The following XXYLT1 variants were observed in gnomAD, a reference collection of about 807,000 sequenced individuals.
XXYLT1 encodes xyloside xylosyltransferase 1, also known as UDP-xylose:alpha-xyloside alpha-1,3-xylosyltransferase.
In XXYLT1, 20 loss-of-function variants were observed where a neutral mutation model predicts 28.9. That is an observed-to-expected ratio of 0.69 (90% confidence interval 0.49 to 1.00). XXYLT1 has a LOEUF of 1.00. Ranked by LOEUF, XXYLT1 falls within the 50% of genes least tolerant of loss-of-function variation. The probability of loss-of-function intolerance (pLI) is 0.00; values close to 1 mark genes in which losing one functional copy is unlikely to be tolerated. For missense variants in XXYLT1, 542 were observed against 560.1 expected, an observed-to-expected ratio of 0.97 and a Z score of 0.33; for synonymous variants, 257 against 253.8, an observed-to-expected ratio of 1.01 and a Z score of -0.12.
Position 195,179,863 on chromosome 3 carries a change from G to A in XXYLT1, c.653-23282C>T, listed in dbSNP as rs558775374. Among the ~76,000 whole-genome samples, 60 of 152,326 alleles carry A rather than the reference G, an allele frequency of 3.9e-4. 1 individual carries two copies. The South Asian group carries it at 0.011, about 29-fold the overall frequency. Reference sequence around the variant, plus strand: ...AAGGATTTCCTAAGTGTGGTGTTGAGCCAGGAAACCTGCCCTGCGTCGCCC... The same window carrying A: ...AAGGATTTCCTAAGTGTGGTGTTGAACCAGGAAACCTGCCCTGCGTCGCCC... On this transcript the variant is annotated intron_variant, in intron 2 of 3. Coordinates refer to ENST00000310380, the MANE Select transcript of XXYLT1 (RefSeq NM_152531.5).
chr3:195,176,350 A>G lies in XXYLT1; in HGVS notation c.653-19769T>C, dbSNP rs73893251. On this transcript the variant is annotated intron_variant, in intron 2 of 3. Transcript: ENST00000310380. The surrounding 1 kb of genome is among the most constrained non-coding windows in gnomAD (Gnocchi z 4.9). ...GACGTTCCCCTGCCCTGGCATGCAT[A>G]TTATAATCCTGGGTAGAGGAGGGGT... is the stretch of plus-strand genomic sequence containing the variant. Among the ~76,000 whole-genome samples, 300 of 152,334 alleles carry G rather than the reference A, an allele frequency of 2.0e-3. 1 individual carries two copies. Among genetic ancestry groups the G allele is most frequent in the African/African-American group, 6.8e-3 (284 of 41,564 alleles).
chr3:195,119,028 G>A (rs116270945), intron 3 of XXYLT1, among the ~76,000 whole-genome samples: 4,616 of 152,012 alleles, frequency 0.03, 111 homozygotes, highest in Middle Eastern at 0.11. Flanking sequence ...CTGTAATCCC[G>A]GCACTCTGGG....
intron 1 of XXYLT1, among the ~76,000 whole-genome samples, chr3:195,236,565 A>G (rs1724555486): frequency 6.6e-6 from 1 of 151,460 alleles, no homozygotes; most frequent in Admixed American, 6.6e-5. Flanking sequence ...GGGGACCCCA[A>G]GGGCCCAGTT....
At chr3:195,157,242 C>CAAAAAA (rs34312884) in intron 2 of XXYLT1, among the ~76,000 whole-genome samples, 4 of 73,810 alleles carry the variant, frequency 5.4e-5, no homozygotes, top group Admixed American at 1.7e-4. Flanking sequence ...GGCGCCATCT[C>CAAAAAA]AAAAAAAAAA....
In XXYLT1 at chr3:195,180,371, G is replaced by T. The variant is rs898890712; in HGVS notation, c.653-23790C>A. 2 of 985,140 alleles carry T rather than the reference G, an allele frequency of 2.0e-6. No individual in the cohort carries two copies. Among genetic ancestry groups the T allele is most frequent in the East Asian group, 1.1e-4 (1 of 8,820 alleles). 61.0% of individuals were successfully genotyped at this position (985,140 alleles called of 1,614,324 possible). Reference sequence around the variant, plus strand: ...TCTGGATGGTTTATCCCCCTGGCCCGCCTGGCCCTCAAGACACACTTCCTT... The same window carrying T: ...TCTGGATGGTTTATCCCCCTGGCCCTCCTGGCCCTCAAGACACACTTCCTT... On this transcript the variant is annotated intron_variant, in intron 2 of 3. Transcript: ENST00000310380. This position sits in a 1 kb window ranked among gnomAD's most constrained non-coding sequence, Gnocchi z 5.8.
At chr3:195,162,673 G>A (rs1720930919) in intron 2 of XXYLT1, among the ~76,000 whole-genome samples, 1 of 152,202 alleles carries the variant, frequency 6.6e-6, no homozygotes, top group South Asian at 2.1e-4. Context: ...AGTGTAACAT[G>A]AGTCTCCTTC....
rs1560146039 is a variant in XXYLT1 at position 195,195,156 on chromosome 3, G to A, written c.652+31553C>T. 6.6e-6 allele frequency among the ~76,000 whole-genome samples: 1 copy of A among 152,068 alleles called. No homozygotes were observed. The highest frequency in any genetic ancestry group is 2.4e-5 in the African/African-American group (1 of 41,382). ...AGCAGCTGTTACTACAATGGTTGTT[G>A]ACGTTAAATGCTATGGAGGGCCACT... On this transcript the variant is annotated intron_variant, in intron 2 of 3. Coordinates refer to ENST00000310380, the MANE Select transcript of XXYLT1 (RefSeq NM_152531.5). This position sits in a 1 kb window ranked among gnomAD's most constrained non-coding sequence, Gnocchi z 4.4.
chr3:195,125,510 G>A (rs953798894), intron 3 of XXYLT1, among the ~76,000 whole-genome samples: 2 of 152,192 alleles, frequency 1.3e-5, no homozygotes, highest in East Asian at 3.8e-4. Flanking sequence ...AGCCTGGTGG[G>A]GGTGGGCAAT....
At chr3:195,243,492 C>T (rs1020689752) in intron 1 of XXYLT1, among the ~76,000 whole-genome samples, 1 of 151,238 alleles carries the variant, frequency 6.6e-6, no homozygotes, top group Non-Finnish European at 1.5e-5. Context: ...TAGCCATGCC[C>T]GAATCTAAAA....
chr3:195,089,208 C>T (rs1185381647), intron 3 of XXYLT1, among the ~76,000 whole-genome samples: 1 of 151,762 alleles, frequency 6.6e-6, no homozygotes, highest in African/African-American at 2.4e-5. Flanking sequence ...AAGAGCAACT[C>T]CAAGACACAT....
At chr3:195,119,513 CAGAA>C (rs1718231491) in intron 3 of XXYLT1, among the ~76,000 whole-genome samples, 1 of 152,020 alleles carries the variant, frequency 6.6e-6, no homozygotes, top group South Asian at 2.1e-4. Flanking sequence ...AACAAGAAGA[CAGAA>C]AGAATGGATC....
rs10633458 is a variant in XXYLT1, at chr3:195,117,114, T to TAC, written c.785+39333_785+39334dup. Among the ~76,000 whole-genome samples, 970 of 148,744 alleles carry TAC rather than the reference T, an allele frequency of 6.5e-3. 14 individuals carry two copies. Among genetic ancestry groups the TAC allele is most frequent in the East Asian group, 0.049 (248 of 5,098 alleles). On this transcript the variant is annotated intron_variant, in intron 3 of 3. Transcript: ENST00000310380. ...AAACATCCTATATATATATAGTGTA[T>TAC]ACACACACACACACACACACACACA...
At chr3:195,233,250 ATG>A (rs1245299226) in intron 1 of XXYLT1, among the ~76,000 whole-genome samples, 1 of 151,584 alleles carries the variant, frequency 6.6e-6, no homozygotes, top group Non-Finnish European at 1.5e-5. Context: ...TTTTCAGTCT[ATG>A]TGTGTTTTTA....
At chr3:195,144,622 C>T (rs1047032136) in intron 3 of XXYLT1, among the ~76,000 whole-genome samples, 2 of 151,796 alleles carry the variant, frequency 1.3e-5, no homozygotes, top group Admixed American at 6.6e-5. Context: ...GTGATCCGCC[C>T]GCCTCAGCCT....
chr3:195,073,534 T>C (rs1714946584), intron 3 of XXYLT1, among the ~76,000 whole-genome samples: 1 of 152,176 alleles, frequency 6.6e-6, no homozygotes, highest in Non-Finnish European at 1.5e-5. Context: ...CTGGATTGTC[T>C]AACCGTCCGG....
At chr3:195,147,829 T>C (rs1719948398) in intron 3 of XXYLT1, 1 of 152,218 alleles carries the variant, frequency 6.6e-6, no homozygotes, top group Non-Finnish European at 1.5e-5. Context: ...CTTCCACGCA[T>C]TCACTTCCTC....
chr3:195,094,477 A>G (rs1177462000), intron 3 of XXYLT1: 1 of 153,976 alleles, frequency 6.5e-6, no homozygotes, highest in Non-Finnish European at 1.5e-5. Flanking sequence ...CAAAGCTGAC[A>G]TGGGAGTCCG....
chr3:195,070,331 C>G (rs1368812882), intron 3 of XXYLT1, among the ~76,000 whole-genome samples: 1 of 152,058 alleles, frequency 6.6e-6, no homozygotes, highest in Non-Finnish European at 1.5e-5. Flanking sequence ...ACGTCCTCAC[C>G]ACAGCCAACA....
intron 3 of XXYLT1, chr3:195,095,792 G>C (rs1408792435): frequency 6.6e-6 from 1 of 152,268 alleles, no homozygotes; most frequent in African/African-American, 2.4e-5. Flanking sequence ...GAATCAGAGT[G>C]GGTACATGTG....
Sources: gnomAD v4.1 joint callset for allele counts (sites outside exome capture counted in the v4.1 genomes callset) on GRCh38, gnomAD v4.1.1 for gene constraint, Gnocchi (gnomAD v3.1) non-coding constraint, MANE v1.5 for transcripts, NCBI Gene and HGNC (gene_info 2026-07-23, HGNC 2026-07-21) for gene names.